RBFOX3: variants seen among roughly 807,000 people sequenced by gnomAD.
RBFOX3 encodes the protein RNA binding protein fox-1 homolog 3.
A neutral mutation model predicts 48.7 loss-of-function variants in RBFOX3; 17 were observed. That is an observed-to-expected ratio of 0.35 (90% CI 0.24 to 0.52). RBFOX3 has a LOEUF of 0.52. Ranked by LOEUF, RBFOX3 falls within the 20% of genes least tolerant of loss-of-function variation. The pLI, the probability that RBFOX3 is intolerant of heterozygous loss-of-function variation, is 0.94. For missense variants in RBFOX3, 382 were observed against 497.5 expected (o/e 0.77, Z 2.21); for synonymous variants, 212 against 209.5 (o/e 1.01, Z -0.10).
intron 4 of RBFOX3, among the ~76,000 whole-genome samples, chr17:79,196,064 A>G (rs2055523949): frequency 6.6e-6 from 1 of 152,136 alleles, no homozygotes; most frequent in Non-Finnish European, 1.5e-5. Flanking sequence ...GGGAGGGTGA[A>G]TATTATTCTT....
intron 4 of RBFOX3, among the ~76,000 whole-genome samples, chr17:79,230,542 A>G (rs890793555): frequency 3.9e-5 from 6 of 152,136 alleles, no homozygotes; most frequent in Non-Finnish European, 8.8e-5. Context: ...TACAGGGGTG[A>G]GCCACGGCAC....
At chr17:79,562,034 T>C (rs1198323109) in intron 1 of RBFOX3, among the ~76,000 whole-genome samples, 2 of 152,138 alleles carry the variant, frequency 1.3e-5, no homozygotes, top group Admixed American at 1.3e-4. Flanking sequence ...TGGCAGCCAC[T>C]CAGCAGCCAC....
At chr17:79,379,845 C>T (rs2059669706) in intron 2 of RBFOX3, among the ~76,000 whole-genome samples, 1 of 152,166 alleles carries the variant, frequency 6.6e-6, no homozygotes, top group Non-Finnish European at 1.5e-5. Context: ...ACAGTCCCCT[C>T]CCTCTAGTTA....
At chr17:79,630,260 C>A in the RBFOX3 span, among the ~76,000 whole-genome samples, 9 of 152,210 alleles carry the variant, frequency 5.9e-5, no homozygotes, top group Admixed American at 4.6e-4. Context: ...CCAGAGTGAG[C>A]GCCTTAGGGA....
At chr17:79,512,622 C>A (rs12451031) in intron 1 of RBFOX3, among the ~76,000 whole-genome samples, 4 of 105,548 alleles carry the variant, frequency 3.8e-5, no homozygotes, top group South Asian at 3.3e-4. Flanking sequence ...GACGCACACC[C>A]GGATACATGT....
chr17:79,620,664 C>G, the RBFOX3 span, among the ~76,000 whole-genome samples: 131,219 of 142,058 alleles, frequency 0.92, 60,281 homozygotes, highest in Non-Finnish European at 0.99. Context: ...TGCACACACG[C>G]ACATGCACAC....
At chr17:79,281,244 C>T (rs145899039) in intron 3 of RBFOX3, among the ~76,000 whole-genome samples, 156 of 152,334 alleles carry the variant, frequency 1.0e-3, no homozygotes, top group Non-Finnish European at 3.2e-4. Flanking sequence ...TGCCTTGGGC[C>T]TGGAGGAGCC....
At chr17:79,575,591 G>T (rs1285144437) in intron 1 of RBFOX3, among the ~76,000 whole-genome samples, 1 of 152,176 alleles carries the variant, frequency 6.6e-6, no homozygotes, top group Admixed American at 6.5e-5. Flanking sequence ...AAGTGCACAG[G>T]AAGAAGAAGG....
At chr17:79,526,626 T>C (rs2086837663) in intron 1 of RBFOX3, among the ~76,000 whole-genome samples, 1 of 151,830 alleles carries the variant, frequency 6.6e-6, no homozygotes, top group African/African-American at 2.4e-5. Flanking sequence ...ACAAAGGCAA[T>C]AGGGGAAGGG....
At chr17:79,379,556 G>C (rs1431544658) in intron 2 of RBFOX3, among the ~76,000 whole-genome samples, 4 of 152,132 alleles carry the variant, frequency 2.6e-5, no homozygotes, top group African/African-American at 9.7e-5. Context: ...TTTAACCAGA[G>C]AGAATTACAC....
chr17:79,535,661 A>C lies in RBFOX3; in HGVS notation c.-319-53063T>G, dbSNP rs2088596531. ...GGCAGGATAGCCAGCCCACAAAGAC[A>C]CAGTATGCGCAGCCAGGCAAGGTTG... On this transcript the variant is annotated intron_variant, in intron 1 of 14. Transcript: ENST00000693108. This position sits in a 1 kb window ranked among gnomAD's most constrained non-coding sequence, Gnocchi z 4.5. Among the ~76,000 whole-genome samples the C allele has an allele frequency of 6.6e-6, 1 of 152,166 alleles. No individual in the cohort carries two copies. The highest frequency in any genetic ancestry group is 2.4e-5 in the African/African-American group (1 of 41,440).
At position 79,341,385 on chromosome 17, in the gene RBFOX3, T is replaced by C. The variant is rs573728064; in HGVS notation, c.-174-33561A>G. Among the ~76,000 whole-genome samples, 287 of 152,356 alleles carry C rather than the reference T, an allele frequency of 1.9e-3. 3 individuals carry two copies. Among genetic ancestry groups the C allele is most frequent in the Middle Eastern group, 3.4e-3 (1 of 294 alleles). ...AGCCTCCTTTTTTACTTCCTCATAC[T>C]ATACAGCTTCATACCTTGTTTACAA... is the stretch of plus-strand genomic sequence containing the variant. On this transcript the variant is annotated intron_variant, in intron 2 of 14. Coordinates refer to ENST00000693108, the MANE Select transcript of RBFOX3 (RefSeq NM_001350451.2).
Position 79,255,950 on chromosome 17 carries a change from C to A in RBFOX3, c.-73-20145G>T, listed in dbSNP as rs542982236. 5.5e-4 allele frequency among the ~76,000 whole-genome samples: 84 copies of A among 151,668 alleles called. 1 individual carries two copies. The highest frequency in any genetic ancestry group is 2.0e-3 in the African/African-American group (81 of 41,364). On this transcript the variant is annotated intron_variant, in intron 3 of 14. Coordinates refer to ENST00000693108, the MANE Select transcript of RBFOX3 (RefSeq NM_001350451.2). ...GCCTGCCGAGCACAGAGGGGCACAG[C>A]TGCCTCCCCAGCCAACTCCCTCGGG...
intron 5 of RBFOX3, among the ~76,000 whole-genome samples, chr17:79,113,088 C>A (rs2032615068): frequency 6.6e-6 from 1 of 152,060 alleles, no homozygotes; most frequent in East Asian, 1.9e-4. Context: ...GACCACAATA[C>A]CAGGCTGCTT....
rs957178745 is a variant in RBFOX3, at chr17:79,173,638, C to T, written c.-33-57890G>A. Among the ~76,000 whole-genome samples the T allele has an allele frequency of 1.6e-4, 24 of 152,162 alleles. 1 individual carries two copies. On this transcript the variant is annotated intron_variant, in intron 4 of 14. Coordinates refer to ENST00000693108, the MANE Select transcript of RBFOX3 (RefSeq NM_001350451.2). ...GACGGCACGGCACTGGATGCGCCAG[C>T]GGGTCTAGGTGGCTCTGACCCCATC...
chr17:79,483,599 G>A (rs2079098670), intron 1 of RBFOX3, among the ~76,000 whole-genome samples: 1 of 149,708 alleles, frequency 6.7e-6, no homozygotes, highest in African/African-American at 2.5e-5. Context: ...TCCCCCCAGG[G>A]ACTTAGCACA....
At chr17:79,369,112 C>A (rs1457023364) in intron 2 of RBFOX3, among the ~76,000 whole-genome samples, 1 of 152,192 alleles carries the variant, frequency 6.6e-6, no homozygotes, top group East Asian at 1.9e-4. Context: ...AGCTGTCTCA[C>A]TGCGCCCAGT....
At chr17:79,618,114 A>T in the RBFOX3 span, among the ~76,000 whole-genome samples, 2 of 152,172 alleles carry the variant, frequency 1.3e-5, no homozygotes, top group Non-Finnish European at 2.9e-5. Context: ...CAGGTAGTTC[A>T]GGGTCCCACG....
At chr17:79,286,500 G>A (rs2071915341) in intron 3 of RBFOX3, among the ~76,000 whole-genome samples, 1 of 152,200 alleles carries the variant, frequency 6.6e-6, no homozygotes, top group African/African-American at 2.4e-5. Context: ...TGAGATGGGG[G>A]TGCTTCACGC....
Sources: allele counts gnomAD v4.1 joint callset (sites outside exome capture counted in the v4.1 genomes callset), GRCh38; gene constraint gnomAD v4.1.1; non-coding constraint Gnocchi (gnomAD v3.1); transcripts MANE v1.5; gene names NCBI Gene and HGNC (gene_info 2026-07-23, HGNC 2026-07-21).